INTS1: variants seen among roughly 807,000 people sequenced by gnomAD.
The protein encoded by INTS1 is integrator complex subunit 1.
INTS1 carries 137 observed loss-of-function variants against 241.6 expected under a neutral mutation model. The observed-to-expected ratio is 0.57, with a 90% CI of 0.49 to 0.65. The LOEUF (loss-of-function observed/expected upper bound fraction) is 0.65, where lower values mean the gene tolerates loss of function less well. Ranked by LOEUF, INTS1 falls within the 30% of genes least tolerant of loss-of-function variation. The pLI is 0.00. For missense variants in INTS1, 3,073 were observed against 3,032.2 expected, an observed-to-expected ratio of 1.01 and a Z score of -0.32; for synonymous variants, 1,692 against 1,337.8, an observed-to-expected ratio of 1.26 and a Z score of -5.78.
chr7:1,499,722 C>T, intron 5 of INTS1, 90 bp from the exon 6 acceptor site: 1 of 1,488,332 alleles, frequency 6.7e-7, no homozygotes, highest in Non-Finnish European at 9.0e-7. Flanking sequence ...ACTGGGTGCC[C>T]AGGCGGCCCT....
chr7:1,487,768 C>T lies in INTS1; in HGVS notation c.2508G>A (p.Leu836=), dbSNP rs776294949. 6.2e-7 allele frequency: 1 copy of T among 1,608,470 alleles called. No individual in the cohort carries two copies. Among genetic ancestry groups the T allele is most frequent in the Non-Finnish European group, 8.5e-7 (1 of 1,179,752 alleles). Reference sequence around the variant, plus strand: ...CTGTGTGGGCTGCGTACTGGGGGTCCAGGCTGGTGAGCTGCGACAGGAGGA... The same window carrying T: ...CTGTGTGGGCTGCGTACTGGGGGTCTAGGCTGGTGAGCTGCGACAGGAGGA... ...SSLLLSQLTS[L]DPQGPPRRPP... is the part of the protein sequence containing the mutation. Residue 836 remains leucine (L), a synonymous_variant, in exon 19 of 48, where the codon CTG becomes CTA. Coordinates refer to ENST00000404767, the MANE Select transcript of INTS1 (RefSeq NM_001080453.3).
Position 1,481,216 on chromosome 7 carries a change from C to T in INTS1, c.3850+126G>A, listed in dbSNP as rs1191539436. On this transcript the variant is annotated intron_variant, in intron 28 of 47. Transcript: ENST00000404767. The surrounding 1 kb of genome is among the most constrained non-coding windows in gnomAD (Gnocchi z 6.8). ...CAACCCACAGGTCTAAGCCTGCCCT[C>T]GAGTGCCACCCACACCCACCCGACC... 3.6e-6 allele frequency: 4 copies of T among 1,097,162 alleles called. No homozygotes were observed. The highest frequency in any genetic ancestry group is 4.0e-4 in the Middle Eastern group (2 of 4,970). 68.0% of individuals were successfully genotyped at this position (1,097,162 alleles called of 1,614,324 possible). A position where few individuals can be genotyped will look rare whatever the true frequency, so the allele number is the denominator to read the frequency against.
chr7:1,470,580 C>T lies in INTS1; in HGVS notation c.6570G>A (p.Met2190Ile). The T allele has an allele frequency of 6.4e-7, 1 of 1,558,752 alleles. No homozygotes were observed. Among genetic ancestry groups the T allele is most frequent in the Non-Finnish European group, 8.7e-7 (1 of 1,152,380 alleles). ...AGGGGGGTCGGCTGCCACAGGCTCA[C>T]ATCACGGCCTCCATATGCAGGATCC... ...ALRILHMEAV[M>I] is the part of the protein sequence containing the mutation. Residue 2190 changes from methionine to isoleucine, a missense_variant, in exon 48 of 48, where the codon ATG becomes ATA. Physicochemically the swap from Met to Ile is conservative, Grantham distance 10. Coordinates refer to ENST00000404767, the MANE Select transcript of INTS1 (RefSeq NM_001080453.3).
At chr7:1,500,387 G>T in intron 3 of INTS1, 21 bp from the exon 4 acceptor site, 2 of 1,533,564 alleles carry the variant, frequency 1.3e-6, no homozygotes, top group Non-Finnish European at 1.8e-6. Context: ...CAGGCGGTAC[G>T]GTCAGAACGG....
intron 17 of INTS1, 92 bp downstream of exon 17, chr7:1,489,499 G>A: frequency 1.3e-6 from 2 of 1,539,090 alleles, no homozygotes; most frequent in Non-Finnish European, 1.8e-6. Flanking sequence ...TCCCCAGCTG[G>A]GCTCATCCCA....
chr7:1,498,887 C>A (rs765818336), intron 8 of INTS1, 35 bp from the exon 9 acceptor site: 8 of 1,567,068 alleles, frequency 5.1e-6, no homozygotes, highest in Admixed American at 3.7e-5. Context: ...GGGCTCACGG[C>A]CACCCCGGCA....
Position 1,481,804 on chromosome 7 carries a change from C to A in INTS1, c.3704-316G>T, listed in dbSNP as rs999079580. Among the ~76,000 whole-genome samples the A allele has an allele frequency of 6.6e-6, 1 of 152,010 alleles. No homozygotes were observed. The highest frequency in any genetic ancestry group is 2.4e-5 in the African/African-American group (1 of 41,370). Reference sequence around the variant, plus strand: ...CCTGGGCCACGTGGGCTCGGTGACCCCACCCGAGACCTGGGGCCGCACAAG... The same window carrying A: ...CCTGGGCCACGTGGGCTCGGTGACCACACCCGAGACCTGGGGCCGCACAAG... On this transcript the variant is annotated intron_variant, in intron 27 of 47. Transcript: ENST00000404767. The surrounding 1 kb of genome is among the most constrained non-coding windows in gnomAD (Gnocchi z 6.8).
Position 1,500,165 on chromosome 7 carries a change from C to A in INTS1, c.546+5G>T. 6.3e-7 allele frequency: 1 copy of A among 1,584,058 alleles called. No homozygotes were observed. On this transcript the variant is annotated splice_donor_5th_base_variant and intron_variant, in intron 4 of 47. Coordinates refer to ENST00000404767, the MANE Select transcript of INTS1 (RefSeq NM_001080453.3). ...CTCGCCTCCTGCCAGGGGCCCGGCT[C>A]AAACCTCAATGACGCCCTCAGTGGC...
Position 1,473,066 on chromosome 7 carries a change from A to G in INTS1, c.6070+6T>C, listed in dbSNP as rs1389357496. The G allele has an allele frequency of 6.3e-7, 1 of 1,579,982 alleles. No individual in the cohort carries two copies. ...GCTTCCAGCAGCCCCTGGCAGCCCC[A>G]CTCACCCTCGCCCTCTTCGTCCAGG... On this transcript the variant is annotated splice_donor_region_variant and intron_variant, in intron 43 of 47. Transcript: ENST00000404767.
intron 25 of INTS1, 72 bp from the exon 26 acceptor site, chr7:1,483,925 G>T: frequency 6.3e-7 from 1 of 1,584,668 alleles, no homozygotes. Flanking sequence ...TACCCAGCTG[G>T]CACCGAGCGT....
At chr7:1,486,059 C>G (rs1333243920) in intron 22 of INTS1, among the ~76,000 whole-genome samples, 1 of 151,818 alleles carries the variant, frequency 6.6e-6, no homozygotes, top group East Asian at 1.9e-4. Flanking sequence ...CCTCAGCTTC[C>G]CAAGTAGCTG....
At chr7:1,494,318 C>T in intron 14 of INTS1, 1 of 265,848 alleles carries the variant, frequency 3.8e-6, no homozygotes, top group East Asian at 9.0e-5. Context: ...GAACAGAGCG[C>T]CCAGGGCACG....
rs904717090 is a variant in INTS1, at chr7:1,481,217, G to A, written c.3850+125C>T. The A allele has an allele frequency of 7.2e-6, 8 of 1,103,608 alleles. No homozygotes were observed. Among genetic ancestry groups the A allele is most frequent in the East Asian group, 2.5e-5 (1 of 39,242 alleles). 68.4% of individuals were successfully genotyped at this position (1,103,608 alleles called of 1,614,324 possible). A position where few individuals can be genotyped will look rare whatever the true frequency, so the allele number is the denominator to read the frequency against. The stretch of plus-strand genomic sequence containing the variant: ...AACCCACAGGTCTAAGCCTGCCCTC[G>A]AGTGCCACCCACACCCACCCGACCT... On this transcript the variant is annotated intron_variant, in intron 28 of 47. Coordinates refer to ENST00000404767, the MANE Select transcript of INTS1 (RefSeq NM_001080453.3). This position sits in a 1 kb window ranked among gnomAD's most constrained non-coding sequence, Gnocchi z 6.8.
At chr7:1,477,712 C>A (rs1326639413) in intron 34 of INTS1, 39 bp from the exon 35 acceptor site, 4 of 1,605,070 alleles carry the variant, frequency 2.5e-6, no homozygotes, top group Non-Finnish European at 8.5e-7. Context: ...GCTGGTGCCA[C>A]CCGCCTGCCC....
chr7:1,501,641 G>A (rs373813352), intron 3 of INTS1, among the ~76,000 whole-genome samples: 24 of 152,296 alleles, frequency 1.6e-4, no homozygotes, highest in African/African-American at 4.1e-4. Flanking sequence ...GCCGGCGGCC[G>A]AGAGCCCGGG....
At chr7:1,471,492 C>G in intron 45 of INTS1, 79 bp downstream of exon 45, 1 of 1,478,044 alleles carries the variant, frequency 6.8e-7, no homozygotes, top group Non-Finnish European at 9.4e-7. Flanking sequence ...GCGGGCACGC[C>G]ATGTTGGGGT....
In INTS1 at chr7:1,493,065, C is replaced by T. The variant is rs1373195807; in HGVS notation, c.2110G>A (p.Ala704Thr). ...TGGTAGGTGCACAGATTCAGAACGG[C>T]GTCGATCAGCTGGGTCCTCCCCACC... is the stretch of plus-strand genomic sequence containing the variant. The part of the protein sequence containing the change: ...LKVGRTQLID[A>T]VLNLCTYHHP... The change falls in exon 16 of 48, where the codon GCC becomes ACC. Residue 704 changes from alanine to threonine, a missense_variant. Ala to Thr is a moderately conservative substitution (Grantham distance 58). Transcript: ENST00000404767. This position sits in a 1 kb window ranked among gnomAD's most constrained non-coding sequence, Gnocchi z 5.3. The T allele has an allele frequency of 1.9e-6, 3 of 1,613,596 alleles. No homozygotes were observed. Among genetic ancestry groups the T allele is most frequent in the East Asian group, 2.2e-5 (1 of 44,864 alleles).
chr7:1,472,165 G>T, intron 44 of INTS1, 108 bp downstream of exon 44: 1 of 831,338 alleles, frequency 1.2e-6, no homozygotes. Flanking sequence ...GCCCAGCGTG[G>T]GCCAGGCTCA....
chr7:1,479,927 G>A (rs939479083), intron 30 of INTS1, among the ~76,000 whole-genome samples: 2 of 152,208 alleles, frequency 1.3e-5, no homozygotes, highest in African/African-American at 4.8e-5. Context: ...AGCCTGCCCA[G>A]GGACCACCAG....
Sources: allele counts gnomAD v4.1 joint callset (sites outside exome capture counted in the v4.1 genomes callset), GRCh38; gene constraint gnomAD v4.1.1; non-coding constraint Gnocchi (gnomAD v3.1); transcripts MANE v1.5; gene names NCBI Gene and HGNC (gene_info 2026-07-23, HGNC 2026-07-21).